Variants in CHD3 observed in about 807,000 individuals in gnomAD.
The protein encoded by CHD3 is ATP-dependent chromatin remodeler CHD3.
A neutral mutation model predicts 248.9 loss-of-function variants in CHD3; 52 were observed. The ratio of observed to expected loss-of-function variants is 0.21; its 90% confidence interval spans 0.17 to 0.26. CHD3 has a LOEUF of 0.26. Ranked by LOEUF, CHD3 falls within the 10% of genes least tolerant of loss-of-function variation. The probability of loss-of-function intolerance (pLI) is 1.00; values close to 1 mark genes in which losing one functional copy is unlikely to be tolerated. For synonymous variants in CHD3, 985 were observed against 985.2 expected, an observed-to-expected ratio of 1.00 and a Z score of 0.00; for missense variants, 1,482 against 2,605.8, an observed-to-expected ratio of 0.57 and a Z score of 9.39.
chr17:7,899,801 G>C lies in CHD3; in HGVS notation c.2545-95G>C. On this transcript the variant is annotated intron_variant, in intron 15 of 39. Coordinates refer to ENST00000330494, the MANE Select transcript of CHD3 (RefSeq NM_001005273.3). This position sits in a 1 kb window ranked among gnomAD's most constrained non-coding sequence, Gnocchi z 6.8. ...CTTGGAGAACAGAGTAATGGCTCCT[G>C]TTGGGAGCCACAGTCAGGACAAGGT... 1 of 1,454,792 alleles carries C rather than the reference G, an allele frequency of 6.9e-7. No homozygotes were observed. Among genetic ancestry groups the C allele is most frequent in the Non-Finnish European group, 9.5e-7 (1 of 1,056,976 alleles). The allele number at this position is 1,454,792 out of a possible 1,614,324, so 90.1% of individuals were successfully genotyped here.
chr17:7,884,885 G>A, upstream of CHD3: 1 of 1,363,552 alleles, frequency 7.3e-7, no homozygotes, highest in Non-Finnish European at 9.8e-7. Context: ...GGAGGAAGAA[G>A]AGGGCGACGA....
In CHD3 at chr17:7,899,651, C is replaced by G; in HGVS notation, c.2544+108C>G. 2.5e-6 allele frequency: 3 copies of G among 1,182,178 alleles called. No individual in the cohort carries two copies. Among genetic ancestry groups the G allele is most frequent in the Non-Finnish European group, 3.7e-6 (3 of 821,852 alleles). The allele number at this position is 1,182,178 out of a possible 1,614,324, so 73.2% of individuals were successfully genotyped here. A position where few individuals can be genotyped will look rare whatever the true frequency, so the allele number is the denominator to read the frequency against. On this transcript the variant is annotated intron_variant, in intron 15 of 39. Transcript: ENST00000330494. This position sits in a 1 kb window ranked among gnomAD's most constrained non-coding sequence, Gnocchi z 6.8. ...CCCTCCTCACCTTTCTCCTCTTCCT[C>G]CACCTGTCCTCCTGTCTCTGCACTA...
At position 7,905,490 on chromosome 17, in the gene CHD3, G is replaced by A. The variant is rs530902898; in HGVS notation, c.4139-131G>A. 4 of 698,238 alleles carry A rather than the reference G, an allele frequency of 5.7e-6. No individual in the cohort carries two copies. Among genetic ancestry groups the A allele is most frequent in the East Asian group, 2.7e-5 (1 of 36,746 alleles). The allele number at this position is 698,238 out of a possible 1,614,324, so 43.3% of individuals were successfully genotyped here. On this transcript the variant is annotated intron_variant, in intron 26 of 39. Coordinates refer to ENST00000330494, the MANE Select transcript of CHD3 (RefSeq NM_001005273.3). The surrounding 1 kb of genome is among the most constrained non-coding windows in gnomAD (Gnocchi z 5.8). Reference sequence around the variant, plus strand: ...GTTAGTAGTTCTGAAGTGCTTGGGAGAGAATTGGGAGCACCTCAAACGTGA... The same window carrying A: ...GTTAGTAGTTCTGAAGTGCTTGGGAAAGAATTGGGAGCACCTCAAACGTGA...
intron 3 of CHD3, 72 bp downstream of exon 3, chr17:7,890,813 CT>C: frequency 6.3e-7 from 1 of 1,579,984 alleles, no homozygotes; most frequent in Non-Finnish European, 8.6e-7. Context: ...GGAATGGAGA[CT>C]GGACTGGAGA....
At position 7,900,763 on chromosome 17, in the gene CHD3, G is replaced by T. The variant is rs573247120; in HGVS notation, c.2978+32G>T. On this transcript the variant is annotated intron_variant, in intron 18 of 39. Transcript: ENST00000330494. This position sits in a 1 kb window ranked among gnomAD's most constrained non-coding sequence, Gnocchi z 6.5. The stretch of plus-strand genomic sequence containing the variant: ...TGCAAGACGAGCTGCCTGGAGTAGG[G>T]CTTGGGGATTGATGGGAGCGTTCCA... 206 of 1,610,180 alleles carry T rather than the reference G, an allele frequency of 1.3e-4. 3 individuals are homozygous for T. In the South Asian group the frequency reaches 2.1e-3, roughly 16 times the overall value.
Position 7,900,523 on chromosome 17 carries a change from C to T in CHD3, c.2805-35C>T, listed in dbSNP as rs1970181214. On this transcript the variant is annotated intron_variant, in intron 17 of 39. Transcript: ENST00000330494. This position sits in a 1 kb window ranked among gnomAD's most constrained non-coding sequence, Gnocchi z 6.5. ...TCTGAGATCAGGGGCAAGGAACTTG[C>T]CGACCTGTTAATTTTCTTCTCTTCT... The T allele has an allele frequency of 6.2e-7, 1 of 1,609,158 alleles. No individual in the cohort carries two copies. The highest frequency in any genetic ancestry group is 1.7e-5 in the Admixed American group (1 of 59,810).
In CHD3 at chr17:7,889,577, C is replaced by T; in HGVS notation, c.101-87C>T. The stretch of plus-strand genomic sequence containing the variant: ...GTTAATGCTTCCTAGAGAGTGGGAA[C>T]TGCCGAGGTGGGGAAGGGGCAAGTT... On this transcript the variant is annotated intron_variant, in intron 1 of 39. Transcript: ENST00000330494. The surrounding 1 kb of genome is among the most constrained non-coding windows in gnomAD (Gnocchi z 4.5). 3.7e-6 allele frequency: 4 copies of T among 1,084,980 alleles called. No homozygotes were observed. Among genetic ancestry groups the T allele is most frequent in the Non-Finnish European group, 5.5e-6 (4 of 733,628 alleles). The allele number at this position is 1,084,980 out of a possible 1,614,324, so 67.2% of individuals were successfully genotyped here.
intron 10 of CHD3, among the ~76,000 whole-genome samples, chr17:7,896,613 C>G (rs777414277): frequency 1.7e-4 from 25 of 151,204 alleles, no homozygotes; most frequent in Non-Finnish European, 3.5e-4. Context: ...CCATGTTGAT[C>G]AGGCTGGTCT....
intron 4 of CHD3, among the ~76,000 whole-genome samples, chr17:7,891,701 A>G (rs1410782435): frequency 6.6e-6 from 1 of 152,118 alleles, no homozygotes; most frequent in Non-Finnish European, 1.5e-5. Flanking sequence ...TCTCTACTAA[A>G]TACAAAAAAA....
Position 7,907,827 on chromosome 17 carries a change from ATAGT to A in CHD3, c.5027-66_5027-63del. Reference sequence around the variant, plus strand: ...GAAAGGCCAGTACAGTACAGTACAGATAGTAGTCTTGGGACCTGGGAGGAGGGTG... The same window carrying A: ...GAAAGGCCAGTACAGTACAGTACAGAAGTCTTGGGACCTGGGAGGAGGGTG... On this transcript the variant is annotated intron_variant, in intron 33 of 39. Coordinates refer to ENST00000330494, the MANE Select transcript of CHD3 (RefSeq NM_001005273.3). The surrounding 1 kb of genome is among the most constrained non-coding windows in gnomAD (Gnocchi z 4.3). The A allele has an allele frequency of 6.4e-7, 1 of 1,568,808 alleles. No individual in the cohort carries two copies. Among genetic ancestry groups the A allele is most frequent in the Non-Finnish European group, 8.7e-7 (1 of 1,154,484 alleles).
chr17:7,901,437 C>CT, intron 20 of CHD3, 62 bp downstream of exon 20: 3 of 1,403,406 alleles, frequency 2.1e-6, no homozygotes, highest in Non-Finnish European at 2.8e-6. Context: ...ATCCTCCAGA[C>CT]TTTAATTTCT....
In CHD3 at chr17:7,897,504, T is replaced by C; in HGVS notation, c.1919+210T>C. 6.6e-6 allele frequency among the ~76,000 whole-genome samples: 1 copy of C among 152,190 alleles called. No individual in the cohort carries two copies. The highest frequency in any genetic ancestry group is 1.5e-5 in the Non-Finnish European group (1 of 68,042). ...CGGCCAGGCAGTGCCTCTTTTGTCCTTTGCCTCCTGTCATCTCCAGTGGCA... is the reference window on the plus strand; with the variant it reads ...CGGCCAGGCAGTGCCTCTTTTGTCCCTTGCCTCCTGTCATCTCCAGTGGCA... On this transcript the variant is annotated intron_variant, in intron 11 of 39. Transcript: ENST00000330494. The surrounding 1 kb of genome is among the most constrained non-coding windows in gnomAD (Gnocchi z 4.8).
Position 7,911,120 on chromosome 17 carries a change from C to G in CHD3, c.5881+147C>G. On this transcript the variant is annotated intron_variant, in intron 39 of 39. Transcript: ENST00000330494. This position sits in a 1 kb window ranked among gnomAD's most constrained non-coding sequence, Gnocchi z 5.4. ...ATGGGATAGAGTTGTTCTAGGCTGTCCCCCCACCCATCCCTTTCTTAACCC... is the reference window on the plus strand; with the variant it reads ...ATGGGATAGAGTTGTTCTAGGCTGTGCCCCCACCCATCCCTTTCTTAACCC... The G allele has an allele frequency of 8.7e-7, 1 of 1,154,530 alleles. No individual in the cohort carries two copies. The highest frequency in any genetic ancestry group is 2.4e-5 in the Admixed American group (1 of 42,424). The allele number at this position is 1,154,530 out of a possible 1,614,324, so 71.5% of individuals were successfully genotyped here. A position where few individuals can be genotyped will look rare whatever the true frequency, so the allele number is the denominator to read the frequency against.
intron 20 of CHD3, among the ~76,000 whole-genome samples, chr17:7,902,186 C>T (rs143485678): frequency 0.019 from 2,821 of 151,864 alleles, 36 homozygotes; most frequent in Middle Eastern, 0.095. Context: ...TTTGGGAGGC[C>T]GAGGCAGGAA....
chr17:7,907,515 G>A lies in CHD3; in HGVS notation c.4924+27G>A, dbSNP rs142635953. ...TGGGTGCATGGCCTTAGGAGTGATG[G>A]GGGATTAGAATTTGGGATTTCCCTC... On this transcript the variant is annotated intron_variant, in intron 32 of 39. Transcript: ENST00000330494. This position sits in a 1 kb window ranked among gnomAD's most constrained non-coding sequence, Gnocchi z 4.3. The A allele has an allele frequency of 1.5e-4, 226 of 1,545,306 alleles. No homozygotes were observed. The East Asian group carries it at 5.1e-3, about 35-fold the overall frequency.
chr17:7,908,970 C>G lies in CHD3; in HGVS notation c.5394+141C>G. On this transcript the variant is annotated intron_variant, in intron 36 of 39. Transcript: ENST00000330494. This position sits in a 1 kb window ranked among gnomAD's most constrained non-coding sequence, Gnocchi z 5.8. ...GCCAAGACCAAAGTGTAACCTTGTG[C>G]TTGGGAGTGTGATCTGGGTCAGGGT... The G allele has an allele frequency of 2.1e-6, 3 of 1,416,742 alleles. No individual in the cohort carries two copies. The highest frequency in any genetic ancestry group is 4.6e-5 in the East Asian group (2 of 43,448). 87.8% of individuals were successfully genotyped at this position (1,416,742 alleles called of 1,614,324 possible).
At position 7,905,235 on chromosome 17, in the gene CHD3, GT is replaced by G; in HGVS notation, c.4138+75del. On this transcript the variant is annotated intron_variant, in intron 26 of 39. Transcript: ENST00000330494. The surrounding 1 kb of genome is among the most constrained non-coding windows in gnomAD (Gnocchi z 5.8). The stretch of plus-strand genomic sequence containing the variant: ...TTTTCCAGTTTGCTTTAAGCCCACT[GT>G]TTTTATACAAGTAAAAAAGTCTTCG... The G allele has an allele frequency of 1.4e-6, 2 of 1,425,530 alleles. No individual in the cohort carries two copies. The highest frequency in any genetic ancestry group is 2.0e-6 in the Non-Finnish European group (2 of 1,009,028). The allele number at this position is 1,425,530 out of a possible 1,614,324, so 88.3% of individuals were successfully genotyped here.
At position 7,895,767 on chromosome 17, in the gene CHD3, T is replaced by G. The variant is rs1597948386; in HGVS notation, c.1707+225T>G. On this transcript the variant is annotated intron_variant, in intron 10 of 39. Coordinates refer to ENST00000330494, the MANE Select transcript of CHD3 (RefSeq NM_001005273.3). This position sits in a 1 kb window ranked among gnomAD's most constrained non-coding sequence, Gnocchi z 4.9. ...TCCTTCCCTCAGATATAGCATAGCCTTTCCTAACTTCATGTCCTTCCTTAT... is the reference window on the plus strand; with the variant it reads ...TCCTTCCCTCAGATATAGCATAGCCGTTCCTAACTTCATGTCCTTCCTTAT... Among the ~76,000 whole-genome samples, 1 of 152,226 alleles carries G rather than the reference T, an allele frequency of 6.6e-6. No individual in the cohort carries two copies. The highest frequency in any genetic ancestry group is 1.9e-4 in the East Asian group (1 of 5,194).
chr17:7,893,240 C>T (rs1766201087), intron 4 of CHD3, 46 bp from the exon 5 acceptor site: 4 of 1,539,262 alleles, frequency 2.6e-6, no homozygotes, highest in South Asian at 1.3e-5. Context: ...GCAGTGTTCC[C>T]AGACCATCTG....
Sources: gnomAD v4.1 joint callset for allele counts (sites outside exome capture counted in the v4.1 genomes callset) on GRCh38, gnomAD v4.1.1 for gene constraint, Gnocchi (gnomAD v3.1) non-coding constraint, MANE v1.5 for transcripts, NCBI Gene and HGNC (gene_info 2026-07-23, HGNC 2026-07-21) for gene names.